CDYL2: variants seen among roughly 807,000 people sequenced by gnomAD.
The protein encoded by CDYL2 is chromodomain Y-like protein 2.
A neutral mutation model predicts 49.4 loss-of-function variants in CDYL2; 23 were observed. The observed-to-expected ratio is 0.47, with a 90% CI of 0.34 to 0.66. The LOEUF is 0.66. Among genes scored for constraint, CDYL2 ranks in the 30% least tolerant of loss-of-function variants. CDYL2 has a pLI of 0.01. For synonymous variants in CDYL2, 360 were observed against 268.8 expected, an observed-to-expected ratio of 1.34 and a Z score of -3.32; for missense variants, 678 against 656.4, an observed-to-expected ratio of 1.03 and a Z score of -0.36.
chr16:80,803,706 C>G (rs1235961904), intron 1 of CDYL2, among the ~76,000 whole-genome samples: 2 of 140,828 alleles, frequency 1.4e-5, no homozygotes, highest in Non-Finnish European at 3.1e-5. Context: ...GCCGCGCAAC[C>G]CCCGCCCCAC....
At chr16:80,683,933 G>A (rs954477287) in intron 2 of CDYL2, among the ~76,000 whole-genome samples, 6 of 152,220 alleles carry the variant, frequency 3.9e-5, no homozygotes, top group African/African-American at 7.2e-5. Context: ...ATTCTAAGGT[G>A]TTTTGTGACA....
chr16:80,623,426 T>A (rs1353898372), intron 3 of CDYL2, among the ~76,000 whole-genome samples: 1 of 151,470 alleles, frequency 6.6e-6, no homozygotes, highest in African/African-American at 2.4e-5. Context: ...TGTCCCCGTT[T>A]ATATACTGAC....
At position 80,674,510 on chromosome 16, in the gene CDYL2, AT is replaced by A. The variant is rs1420718519; in HGVS notation, c.616+10027del. Among the ~76,000 whole-genome samples, 5 of 152,094 alleles carry A rather than the reference AT, an allele frequency of 3.3e-5. No homozygotes were observed. The East Asian group carries it at 9.6e-4, about 29-fold the overall frequency. On this transcript the variant is annotated intron_variant, in intron 2 of 6. Transcript: ENST00000570137. Reference sequence around the variant, plus strand: ...CCCATATAAAGTGCACAATTCAGTGATTTTTAGTGTGACTTGCAGAGTTGTG... The same window carrying A: ...CCCATATAAAGTGCACAATTCAGTGATTTTAGTGTGACTTGCAGAGTTGTG...
chr16:80,652,500 C>T (rs559760376), intron 2 of CDYL2, among the ~76,000 whole-genome samples: 3 of 152,258 alleles, frequency 2.0e-5, no homozygotes, highest in East Asian at 1.9e-4. Context: ...GAAGAATTCC[C>T]GATAGTTTGT....
intron 4 of CDYL2, among the ~76,000 whole-genome samples, chr16:80,620,405 G>C (rs1907026177): frequency 6.6e-6 from 1 of 152,168 alleles, no homozygotes; most frequent in Non-Finnish European, 1.5e-5. Context: ...ATCAGGCAAG[G>C]GGCGGGAGTA....
rs567882829 is a variant in CDYL2 at position 80,605,226 on chromosome 16, A to G, written c.1363-680T>C. On this transcript the variant is annotated intron_variant, in intron 6 of 6. Transcript: ENST00000570137. The stretch of plus-strand genomic sequence containing the variant: ...GATAAATGATCATAAATGATCTATG[A>G]TTATTCATTACTAAAGTATTACGTA... Among the ~76,000 whole-genome samples the G allele has an allele frequency of 1.3e-4, 19 of 151,544 alleles. No individual in the cohort carries two copies. In the South Asian group the frequency reaches 4.0e-3, roughly 32 times the overall value.
rs934050142 is a variant in CDYL2 at position 80,679,993 on chromosome 16, A to G, written c.616+4545T>C. 3.0e-4 allele frequency among the ~76,000 whole-genome samples: 45 copies of G among 152,246 alleles called. 1 individual carries two copies. Among genetic ancestry groups the G allele is most frequent in the Non-Finnish European group, 2.4e-4 (16 of 68,038 alleles). Reference sequence around the variant, plus strand: ...GTTTGGGAGCCCCTAGATTCTCAAAAGCCATAGGCCACTTCCCATTGCTTG... The same window carrying G: ...GTTTGGGAGCCCCTAGATTCTCAAAGGCCATAGGCCACTTCCCATTGCTTG... On this transcript the variant is annotated intron_variant, in intron 2 of 6. Transcript: ENST00000570137.
intron 1 of CDYL2, among the ~76,000 whole-genome samples, chr16:80,744,716 G>T (rs554332058): frequency 6.6e-6 from 1 of 152,248 alleles, no homozygotes; most frequent in South Asian, 2.1e-4. Flanking sequence ...CCAAACTAAG[G>T]TTTTAGTGGC....
intron 2 of CDYL2, among the ~76,000 whole-genome samples, chr16:80,672,689 CT>C (rs1374063522): frequency 6.6e-6 from 1 of 152,164 alleles, no homozygotes; most frequent in Non-Finnish European, 1.5e-5. Flanking sequence ...TGCAGGCCAG[CT>C]GCCTAACTAA....
chr16:80,739,482 C>T (rs1255511768), intron 1 of CDYL2, among the ~76,000 whole-genome samples: 1 of 152,116 alleles, frequency 6.6e-6, no homozygotes, highest in Non-Finnish European at 1.5e-5. Flanking sequence ...AAAGAAATGT[C>T]AGTGGGAAGG....
At chr16:80,694,042 C>T (rs747460095) in intron 1 of CDYL2, among the ~76,000 whole-genome samples, 2 of 152,178 alleles carry the variant, frequency 1.3e-5, no homozygotes, top group Non-Finnish European at 2.9e-5. Flanking sequence ...CAGTCCCCAA[C>T]CTTTTTGGCA....
intron 2 of CDYL2, among the ~76,000 whole-genome samples, chr16:80,659,379 A>G (rs767011784): frequency 2.6e-5 from 4 of 152,168 alleles, no homozygotes; most frequent in Non-Finnish European, 5.9e-5. Context: ...TATCTAAAAG[A>G]CATTATTGCG....
intron 1 of CDYL2, among the ~76,000 whole-genome samples, chr16:80,782,674 A>T (rs1190883823): frequency 2.0e-5 from 3 of 152,058 alleles, no homozygotes; most frequent in Non-Finnish European, 4.4e-5. Context: ...TATCCCAGGA[A>T]TGCAAGGGTG....
chr16:80,696,793 A>C (rs1910629776), intron 1 of CDYL2, among the ~76,000 whole-genome samples: 1 of 152,086 alleles, frequency 6.6e-6, no homozygotes, highest in African/African-American at 2.4e-5. Context: ...CCAAACTTTT[A>C]AAGAAGGACT....
chr16:80,780,998 G>A (rs888255121), intron 1 of CDYL2, among the ~76,000 whole-genome samples: 6 of 152,144 alleles, frequency 3.9e-5, no homozygotes, highest in South Asian at 4.1e-4. Flanking sequence ...TTTCATGACC[G>A]ATACTCACTT....
chr16:80,755,150 T>G (rs1379257419), intron 1 of CDYL2, among the ~76,000 whole-genome samples: 6 of 152,150 alleles, frequency 3.9e-5, no homozygotes, highest in Non-Finnish European at 5.9e-5. Flanking sequence ...ACACATATAT[T>G]TTAAGATGAC....
rs546942667 is a variant in CDYL2 at position 80,741,586 on chromosome 16, C to T, written c.25-56457G>A. On this transcript the variant is annotated intron_variant, in intron 1 of 6. Transcript: ENST00000570137. ...ATGAACATATTAATGGAAAAGGTCACGAAAAAGAAGTGTGTGAGGGTAATA... is the reference window on the plus strand; with the variant it reads ...ATGAACATATTAATGGAAAAGGTCATGAAAAAGAAGTGTGTGAGGGTAATA... 7.3e-5 allele frequency among the ~76,000 whole-genome samples: 11 copies of T among 151,368 alleles called. No homozygotes were observed. In the South Asian group the frequency reaches 8.3e-4, roughly 11 times the overall value.
chr16:80,710,079 C>T (rs1310942178), intron 1 of CDYL2, among the ~76,000 whole-genome samples: 1 of 152,120 alleles, frequency 6.6e-6, no homozygotes, highest in Non-Finnish European at 1.5e-5. Context: ...AGGCACGTGC[C>T]ACCACGCCTG....
intron 2 of CDYL2, among the ~76,000 whole-genome samples, chr16:80,666,781 G>C (rs1044027450): frequency 6.6e-6 from 1 of 152,168 alleles, no homozygotes; most frequent in African/African-American, 2.4e-5. Context: ...GCAGTGGGTG[G>C]ACCTGGCCTC....
Sources: allele counts gnomAD v4.1 joint callset (sites outside exome capture counted in the v4.1 genomes callset), GRCh38; gene constraint gnomAD v4.1.1; transcripts MANE v1.5; gene names NCBI Gene and HGNC (gene_info 2026-07-23, HGNC 2026-07-21).